The following TMCO4 variants were observed in gnomAD, a reference collection of about 807,000 sequenced individuals.
TMCO4 encodes the protein transmembrane and coiled-coil domains 4.
TMCO4 carries 58 observed loss-of-function variants against 64.7 expected under a neutral mutation model. The ratio of observed to expected loss-of-function variants is 0.90; its 90% CI spans 0.73 to 1.12. TMCO4 has a LOEUF of 1.12. Ranked by LOEUF, TMCO4 falls within the 50% of genes most tolerant of loss-of-function variation. The probability of loss-of-function intolerance (pLI) is 0.00; values close to 1 mark genes in which losing one functional copy is unlikely to be tolerated. For missense variants in TMCO4, 780 were observed against 825.9 expected, an observed-to-expected ratio of 0.94 and a Z score of 0.68; for synonymous variants, 325 against 346.1, an observed-to-expected ratio of 0.94 and a Z score of 0.68.
intron 13 of TMCO4, among the ~76,000 whole-genome samples, chr1:19,722,539 C>T (rs1348833630): frequency 5.9e-5 from 9 of 152,274 alleles, no homozygotes; most frequent in East Asian, 1.9e-4. Flanking sequence ...AGGGTCATAC[C>T]GTTCCCATGA....
intron 7 of TMCO4, among the ~76,000 whole-genome samples, chr1:19,753,588 A>C (rs2042114372): frequency 1.3e-5 from 2 of 152,212 alleles, no homozygotes; most frequent in Admixed American, 1.3e-4. Flanking sequence ...CCAGAAACAC[A>C]AAACCTTACA....
At chr1:19,724,271 G>C (rs566956122) in intron 13 of TMCO4, among the ~76,000 whole-genome samples, 2 of 152,330 alleles carry the variant, frequency 1.3e-5, no homozygotes, top group East Asian at 3.9e-4. Context: ...ACACTTACTT[G>C]TTGGGAGTCT....
At chr1:19,783,755 G>C (rs1557620372) in intron 3 of TMCO4, among the ~76,000 whole-genome samples, 1 of 152,172 alleles carries the variant, frequency 6.6e-6, no homozygotes, top group Admixed American at 6.5e-5. Flanking sequence ...TCCAAACCTT[G>C]AGCTCTTTCC....
intron 13 of TMCO4, among the ~76,000 whole-genome samples, chr1:19,708,077 C>G (rs1011806728): frequency 1.3e-5 from 2 of 152,108 alleles, no homozygotes; most frequent in African/African-American, 4.8e-5. Context: ...AGAGCCAAAC[C>G]ATATCACTTG....
chr1:19,698,899 C>T (rs1327767760), intron 14 of TMCO4, among the ~76,000 whole-genome samples: 1 of 152,144 alleles, frequency 6.6e-6, no homozygotes, highest in Non-Finnish European at 1.5e-5. Flanking sequence ...ACAAAAAGTA[C>T]CAAAAAATCA....
At chr1:19,722,579 C>T (rs2095390042) in intron 13 of TMCO4, among the ~76,000 whole-genome samples, 2 of 152,098 alleles carry the variant, frequency 1.3e-5, no homozygotes, top group Admixed American at 1.3e-4. Context: ...AGAATTGTGG[C>T]CTTCTGGGTA....
rs1199965023 is a variant in TMCO4 at position 19,743,346 on chromosome 1, T to C, written c.877+2186A>G. Among the ~76,000 whole-genome samples, 1 of 152,200 alleles carries C rather than the reference T, an allele frequency of 6.6e-6. No individual in the cohort carries two copies. Among genetic ancestry groups the C allele is most frequent in the Non-Finnish European group, 1.5e-5 (1 of 68,038 alleles). ...GGCTACAAAGTTTTTATCTTTATTG[T>C]ACATAATCAAGATTAATAAAGGGGT... On this transcript the variant is annotated intron_variant, in intron 10 of 15. Coordinates refer to ENST00000294543, the MANE Select transcript of TMCO4 (RefSeq NM_181719.7). The surrounding 1 kb of genome is among the most constrained non-coding windows in gnomAD (Gnocchi z 4.1).
chr1:19,690,063 C>G (rs990251474), intron 15 of TMCO4, among the ~76,000 whole-genome samples: 1 of 152,262 alleles, frequency 6.6e-6, no homozygotes, highest in Admixed American at 6.5e-5. Flanking sequence ...AAGCCCCAGA[C>G]TCAGCCACAT....
chr1:19,773,490 G>A (rs578084267), intron 4 of TMCO4, among the ~76,000 whole-genome samples: 1 of 152,308 alleles, frequency 6.6e-6, no homozygotes, highest in South Asian at 2.1e-4. Context: ...CCGGATGCAG[G>A]TGCCCCAGGG....
chr1:19,697,851 C>T (rs532918189), intron 14 of TMCO4, among the ~76,000 whole-genome samples: 11 of 151,258 alleles, frequency 7.3e-5, no homozygotes, highest in Middle Eastern at 3.4e-3. Flanking sequence ...TGGGCTCAAG[C>T]GATCCTCCTG....
chr1:19,737,188 A>T (rs565507028), intron 13 of TMCO4, among the ~76,000 whole-genome samples, 184 bp downstream of exon 13: 1 of 152,380 alleles, frequency 6.6e-6, no homozygotes, highest in Non-Finnish European at 1.5e-5. Flanking sequence ...ATGTATGTAT[A>T]TAAAATCATT....
intron 13 of TMCO4, among the ~76,000 whole-genome samples, chr1:19,709,290 G>C (rs113585842): frequency 2.4e-4 from 17 of 70,578 alleles, no homozygotes; most frequent in East Asian, 1.8e-3. Flanking sequence ...TCCCGGCGGG[G>C]GGGGGGGACC....
intron 2 of TMCO4, among the ~76,000 whole-genome samples, chr1:19,793,258 T>C (rs981891704): frequency 6.6e-6 from 1 of 152,024 alleles, no homozygotes; most frequent in Non-Finnish European, 1.5e-5. Context: ...AAAATAAGCA[T>C]TAATAGGGAG....
chr1:19,683,557 G>A (rs2095121291), intron 15 of TMCO4, 113 bp from the exon 16 acceptor site: 10 of 1,225,034 alleles, frequency 8.2e-6, no homozygotes, highest in Non-Finnish European at 1.0e-5. Flanking sequence ...CACAGCCAAC[G>A]AATCACCAAA....
In TMCO4 at chr1:19,777,579, C is replaced by A. The variant is rs149080229; in HGVS notation, c.179+3001G>T. On this transcript the variant is annotated intron_variant, in intron 4 of 15. Transcript: ENST00000294543. ...GGCCAGGCTGGTCTTGAACTCTTGG[C>A]CTCATGTGATCTACATGCCTCGGCC... Among the ~76,000 whole-genome samples, 3 of 152,250 alleles carry A rather than the reference C, an allele frequency of 2.0e-5. No individual in the cohort carries two copies. In the East Asian group the frequency reaches 5.8e-4, roughly 29 times the overall value.
chr1:19,731,905 A>G (rs917866218), intron 13 of TMCO4, among the ~76,000 whole-genome samples: 1 of 152,074 alleles, frequency 6.6e-6, no homozygotes, highest in African/African-American at 2.4e-5. Context: ...CCCCATTTCT[A>G]TGAACCATCA....
chr1:19,698,671 CA>C (rs1374290371), intron 14 of TMCO4, among the ~76,000 whole-genome samples: 1 of 150,940 alleles, frequency 6.6e-6, no homozygotes, highest in East Asian at 2.0e-4. Flanking sequence ...CAAAGAACTA[CA>C]GTTGTTTTGA....
intron 3 of TMCO4, 73 bp downstream of exon 3, chr1:19,786,953 G>A (rs1042162824): frequency 3.3e-5 from 5 of 152,146 alleles, no homozygotes; most frequent in Non-Finnish European, 7.3e-5. Flanking sequence ...GACAGAAAAT[G>A]TGAACTCAGA....
intron 15 of TMCO4, among the ~76,000 whole-genome samples, chr1:19,692,119 G>A (rs2095199884): frequency 6.6e-6 from 1 of 152,168 alleles, no homozygotes; most frequent in African/African-American, 2.4e-5. Flanking sequence ...GGTTACATGT[G>A]GGAAGCACTT....
Sources: gnomAD v4.1 joint callset for allele counts (sites outside exome capture counted in the v4.1 genomes callset) on GRCh38, gnomAD v4.1.1 for gene constraint, Gnocchi (gnomAD v3.1) non-coding constraint, MANE v1.5 for transcripts, NCBI Gene and HGNC (gene_info 2026-07-23, HGNC 2026-07-21) for gene names.